ACSL6: variants seen among roughly 807,000 people sequenced by gnomAD.
The protein encoded by ACSL6 is long-chain-fatty-acid--CoA ligase 6.
Under a neutral mutation model 98.2 loss-of-function variants are expected in ACSL6, and 47 were observed. That is an observed-to-expected ratio of 0.48 (90% confidence interval 0.38 to 0.61). The LOEUF (loss-of-function observed/expected upper bound fraction) is 0.61. ACSL6 is among the 20% of genes least tolerant of loss of function. The probability of loss-of-function intolerance (pLI) is 0.00; values close to 1 mark genes in which losing one functional copy is unlikely to be tolerated. For missense variants in ACSL6, 761 were observed against 913.4 expected, an observed-to-expected ratio of 0.83 and a Z score of 2.15; for synonymous variants, 362 against 336.9, an observed-to-expected ratio of 1.07 and a Z score of -0.82.
intron 9 of ACSL6, chr5:131,983,148 T>C (rs1301742654): frequency 2.0e-5 from 3 of 152,260 alleles, no homozygotes; most frequent in Non-Finnish European, 2.9e-5. Context: ...AGACCCAATT[T>C]CCCAAACTGG....
rs1038249646 is a variant in ACSL6, at chr5:131,950,382, C to G, written c.*3852G>C. 3 of 203,548 alleles carry G rather than the reference C, an allele frequency of 1.5e-5. No homozygotes were observed. The highest frequency in any genetic ancestry group is 2.3e-5 in the African/African-American group (1 of 43,688). 12.6% of individuals were successfully genotyped at this position (203,548 alleles called of 1,614,324 possible). A position where few individuals can be genotyped will look rare whatever the true frequency, so the allele number is the denominator to read the frequency against. ...AAGAGTTTCTCATTTGGGGTATTGA[C>G]CTTACTTGAATGCTAACCCACTTCT... On this transcript the variant is annotated 3_prime_UTR_variant, in exon 21 of 21. Transcript: ENST00000651883.
At position 131,990,979 on chromosome 5, in the gene ACSL6, G is replaced by A; in HGVS notation, c.271-12C>T. ...GCCCCGCCACTGTCCTACAAGCCAA[G>A]CACCGGCCAGAGAAGTTGGCTGAGG... On this transcript the variant is annotated splice_polypyrimidine_tract_variant and intron_variant, in intron 2 of 20. Transcript: ENST00000651883. The A allele has an allele frequency of 6.2e-7, 1 of 1,613,366 alleles. No homozygotes were observed. The highest frequency in any genetic ancestry group is 8.5e-7 in the Non-Finnish European group (1 of 1,179,508).
intron 17 of ACSL6, 52 bp from the exon 18 acceptor site, chr5:131,962,730 A>C (rs1323869796): frequency 6.2e-7 from 1 of 1,600,644 alleles, no homozygotes; most frequent in African/African-American, 1.3e-5. Flanking sequence ...TCAAGCCTGA[A>C]CCTTTGCTCC....
intron 17 of ACSL6, among the ~76,000 whole-genome samples, chr5:131,964,963 GC>G (rs976342229): frequency 3.3e-5 from 5 of 152,252 alleles, no homozygotes; most frequent in African/African-American, 1.2e-4. Context: ...CCCCCAGTGT[GC>G]CCCCAGCTCA....
In ACSL6 at chr5:132,001,451, C is replaced by A. The variant is rs528547785; in HGVS notation, c.50-7200G>T. 1.3e-3 allele frequency among the ~76,000 whole-genome samples: 204 copies of A among 152,274 alleles called. 1 individual carries two copies. Among genetic ancestry groups the A allele is most frequent in the African/African-American group, 4.7e-3 (197 of 41,534 alleles). On this transcript the variant is annotated intron_variant, in intron 1 of 20. Coordinates refer to ENST00000651883, the MANE Select transcript of ACSL6 (RefSeq NM_001009185.3). ...TCCTCTTGGGTTTTAATTAGATTCA[C>A]AGAACCACATAAGACCAGGGCAGAA...
intron 17 of ACSL6, 117 bp downstream of exon 17, chr5:131,966,299 G>C (rs1753007735): frequency 1.1e-6 from 1 of 945,228 alleles, no homozygotes; most frequent in African/African-American, 1.6e-5. Flanking sequence ...CCCCAGAGGT[G>C]CTCCTGAATG....
chr5:131,965,417 A>G (rs558111330), intron 17 of ACSL6, among the ~76,000 whole-genome samples: 2 of 152,320 alleles, frequency 1.3e-5, no homozygotes, highest in Non-Finnish European at 2.9e-5. Flanking sequence ...TTATTAAAAC[A>G]TTTTTAAAAG....
chr5:131,975,587 C>G, intron 10 of ACSL6: 1 of 912,474 alleles, frequency 1.1e-6, no homozygotes, highest in South Asian at 4.8e-5. Flanking sequence ...ACTGGCTGAG[C>G]CTGGCCTCAC....
chr5:132,011,965 A>G, upstream of ACSL6: 1 of 1,532,986 alleles, frequency 6.5e-7, no homozygotes, highest in Non-Finnish European at 8.8e-7. This position sits in a 1 kb window ranked among gnomAD's most constrained non-coding sequence, Gnocchi z 5.4. Context: ...GACGAGCGCC[A>G]GAGCGTGACA....
At chr5:131,970,782 C>T (rs1753264184) in intron 14 of ACSL6, among the ~76,000 whole-genome samples, 1 of 152,164 alleles carries the variant, frequency 6.6e-6, no homozygotes, top group Admixed American at 6.5e-5. Flanking sequence ...ACTGAATCTA[C>T]TTTTCATCTG....
chr5:131,959,165 A>T (rs1752572006), intron 20 of ACSL6, among the ~76,000 whole-genome samples: 1 of 152,208 alleles, frequency 6.6e-6, no homozygotes, highest in Non-Finnish European at 1.5e-5. Context: ...CCTCCTAACA[A>T]GTAAACTTGT....
intron 1 of ACSL6, among the ~76,000 whole-genome samples, chr5:132,010,105 G>C (rs1344919328): frequency 6.6e-6 from 1 of 152,172 alleles, no homozygotes; most frequent in Non-Finnish European, 1.5e-5. Context: ...TTGTCTGCTG[G>C]ATGTGCCTCA....
At chr5:131,958,124 C>A (rs929679210) in intron 20 of ACSL6, among the ~76,000 whole-genome samples, 2 of 152,158 alleles carry the variant, frequency 1.3e-5, no homozygotes, top group Admixed American at 6.5e-5. Context: ...TAAGCATAAT[C>A]TTAAGAGTTG....
chr5:131,962,020 TA>T (rs1013145114), intron 18 of ACSL6, among the ~76,000 whole-genome samples: 43 of 129,688 alleles, frequency 3.3e-4, no homozygotes, highest in African/African-American at 8.4e-4. Flanking sequence ...TACTAAAAAT[TA>T]AAAAAAAAAT....
At position 131,952,030 on chromosome 5, in the gene ACSL6, T is replaced by G. The variant is rs1451797726; in HGVS notation, c.*2204A>C. ...GCTTAAAGCCAACTATGAATTTTAG[T>G]TGAGTAGGAGGACAATGGGAAACAG... On this transcript the variant is annotated 3_prime_UTR_variant, in exon 21 of 21. Coordinates refer to ENST00000651883, the MANE Select transcript of ACSL6 (RefSeq NM_001009185.3). 5.6e-6 allele frequency: 1 copy of G among 178,982 alleles called. No individual in the cohort carries two copies. Among genetic ancestry groups the G allele is most frequent in the East Asian group, 9.4e-5 (1 of 10,684 alleles). 11.1% of individuals were successfully genotyped at this position (178,982 alleles called of 1,614,324 possible).
chr5:131,991,627 A>G (rs978094355), intron 2 of ACSL6, among the ~76,000 whole-genome samples: 1 of 152,052 alleles, frequency 6.6e-6, no homozygotes, highest in Non-Finnish European at 1.5e-5. Context: ...GAAGGTGGCA[A>G]ACCCCTCTGT....
rs1451348570 is a variant in ACSL6, at chr5:131,990,179, G to A, written c.386-15C>T. On this transcript the variant is annotated splice_polypyrimidine_tract_variant and intron_variant, in intron 3 of 20. Transcript: ENST00000651883. ...GGGCCCATTCCCTGTAGAGAGATAA[G>A]AAAGCCTTGTGTCAGAGAGGGGTCA... 6.2e-7 allele frequency: 1 copy of A among 1,613,684 alleles called. No individual in the cohort carries two copies. The highest frequency in any genetic ancestry group is 2.2e-5 in the East Asian group (1 of 44,884).
At chr5:131,954,670 C>T (rs1001077570) in intron 20 of ACSL6, among the ~76,000 whole-genome samples, 4 of 152,100 alleles carry the variant, frequency 2.6e-5, no homozygotes, top group South Asian at 2.1e-4. Context: ...CGCACATTCA[C>T]GTCCAGTAGT....
Position 131,954,153 on chromosome 5 carries a change from G to A in ACSL6, c.*81C>T. ...CAGATGCTTATTCATTTTCAGCTGT[G>A]TCATTTTGACTCATTACTTTCAAGA... On this transcript the variant is annotated 3_prime_UTR_variant, in exon 21 of 21. Coordinates refer to ENST00000651883, the MANE Select transcript of ACSL6 (RefSeq NM_001009185.3). 1.4e-6 allele frequency: 2 copies of A among 1,398,750 alleles called. No individual in the cohort carries two copies. The highest frequency in any genetic ancestry group is 1.9e-6 in the Non-Finnish European group (2 of 1,060,964). The allele number at this position is 1,398,750 out of a possible 1,614,324, so 86.6% of individuals were successfully genotyped here. A position where few individuals can be genotyped will look rare whatever the true frequency, so the allele number is the denominator to read the frequency against.
Sources: allele counts gnomAD v4.1 joint callset (sites outside exome capture counted in the v4.1 genomes callset), GRCh38; gene constraint gnomAD v4.1.1; non-coding constraint Gnocchi (gnomAD v3.1); transcripts MANE v1.5; gene names NCBI Gene and HGNC (gene_info 2026-07-23, HGNC 2026-07-21).